CCNY: variants seen among roughly 807,000 people sequenced by gnomAD.
The protein encoded by CCNY is cyclin Y.
CCNY carries 19 observed loss-of-function variants against 42.8 expected under a neutral mutation model. That is an observed-to-expected ratio of 0.44 (90% CI 0.31 to 0.65). CCNY has a LOEUF of 0.65. Among genes scored for constraint, CCNY ranks in the 30% least tolerant of loss-of-function variants. The pLI, the probability that CCNY is intolerant of heterozygous loss-of-function variation, is 0.07. For synonymous variants in CCNY, 165 were observed against 162.7 expected (o/e 1.01, Z -0.11); for missense variants, 370 against 437.3 (o/e 0.85, Z 1.37).
intron 1 of CCNY, among the ~76,000 whole-genome samples, chr10:35,340,401 A>T (rs1171035582): frequency 6.6e-6 from 1 of 152,164 alleles, no homozygotes; most frequent in African/African-American, 2.4e-5. Context: ...GACTAAAGAG[A>T]ATTTAAAATG....
At chr10:35,482,993 G>A (rs1251787051) in intron 1 of CCNY, among the ~76,000 whole-genome samples, 1 of 152,118 alleles carries the variant, frequency 6.6e-6, no homozygotes, top group Non-Finnish European at 1.5e-5. Flanking sequence ...TCGCCCTAAC[G>A]AGTTGAGATA....
intron 7 of CCNY, among the ~76,000 whole-genome samples, chr10:35,552,064 G>C (rs1841269833): frequency 6.6e-6 from 1 of 152,212 alleles, no homozygotes; most frequent in Non-Finnish European, 1.5e-5. Context: ...ACAGATACTT[G>C]TACACCAGTG....
chr10:35,504,625 TTTGTTG>T (rs376566765), intron 3 of CCNY, among the ~76,000 whole-genome samples: 3,928 of 151,984 alleles, frequency 0.026, 60 homozygotes, highest in Non-Finnish European at 0.041. Context: ...TAGGAAGGTT[TTTGTTG>T]TTGTTGTTGT....
At chr10:35,514,286 TA>T (rs1396436514) in intron 3 of CCNY, among the ~76,000 whole-genome samples, 2 of 152,186 alleles carry the variant, frequency 1.3e-5, no homozygotes, top group African/African-American at 4.8e-5. Flanking sequence ...AAAATCTTTA[TA>T]ACTCAATACT....
upstream of CCNY, chr10:35,332,554 A>C (rs1835957826): frequency 6.6e-6 from 1 of 152,242 alleles, no homozygotes; most frequent in Non-Finnish European, 1.5e-5. Context: ...TTCTGTGAGA[A>C]ACAAAGCTAC....
chr10:35,415,105 A>C (rs1837997231), intron 1 of CCNY, among the ~76,000 whole-genome samples: 1 of 152,228 alleles, frequency 6.6e-6, no homozygotes, highest in African/African-American at 2.4e-5. Context: ...ATTTTAAGTC[A>C]TATAAAAGGA....
intron 1 of CCNY, among the ~76,000 whole-genome samples, chr10:35,375,872 G>T (rs1837041152): frequency 6.6e-6 from 1 of 152,184 alleles, no homozygotes; most frequent in Non-Finnish European, 1.5e-5. Context: ...AAGAGGGAGA[G>T]AAGACACACT....
chr10:35,506,515 T>A (rs1840217757), intron 3 of CCNY, among the ~76,000 whole-genome samples: 2 of 152,214 alleles, frequency 1.3e-5, no homozygotes, highest in Non-Finnish European at 2.9e-5. Flanking sequence ...TGGTTATGTC[T>A]GTGGAGGACT....
chr10:35,506,618 C>T (rs1840220104), intron 3 of CCNY, among the ~76,000 whole-genome samples: 1 of 152,154 alleles, frequency 6.6e-6, no homozygotes, highest in African/African-American at 2.4e-5. Flanking sequence ...GGAAGTGGCA[C>T]TTGTAAAGTG....
At chr10:35,518,273 C>A (rs1198377641) in intron 4 of CCNY, among the ~76,000 whole-genome samples, 4 of 152,108 alleles carry the variant, frequency 2.6e-5, no homozygotes, top group African/African-American at 9.7e-5. Flanking sequence ...CTGTGTAAAT[C>A]ACTGTTTCTG....
At chr10:35,443,241 C>T (rs1310517677) in intron 1 of CCNY, among the ~76,000 whole-genome samples, 1 of 152,160 alleles carries the variant, frequency 6.6e-6, no homozygotes, top group Admixed American at 6.5e-5. Flanking sequence ...TAAACTGATA[C>T]AAAATATTTT....
At chr10:35,333,039 AT>A (rs111976341), upstream of CCNY, among the ~76,000 whole-genome samples, 512 of 149,982 alleles carry the variant, frequency 3.4e-3, 4 homozygotes, top group African/African-American at 0.012. Context: ...ATCCAGGTCA[AT>A]TTTTTTTTTC....
chr10:35,474,276 G>C (rs1203982910), intron 1 of CCNY, among the ~76,000 whole-genome samples: 1 of 152,208 alleles, frequency 6.6e-6, no homozygotes, highest in Admixed American at 6.5e-5. Context: ...CTGGAAGCTC[G>C]AACTGGGTGG....
At chr10:35,262,551 G>A (rs2095720819) in intron 3 of CCNY, among the ~76,000 whole-genome samples, 1 of 151,746 alleles carries the variant, frequency 6.6e-6, no homozygotes, top group African/African-American at 2.4e-5. Context: ...TAATAGAGAT[G>A]GGGTTTCACC....
chr10:35,357,774 C>G (rs560714595), intron 1 of CCNY, among the ~76,000 whole-genome samples: 1 of 152,304 alleles, frequency 6.6e-6, no homozygotes, highest in Admixed American at 6.5e-5. Context: ...AACTTTCACT[C>G]ACAAGTTTTA....
At chr10:35,347,339 T>C (rs1836328504) in intron 1 of CCNY, 2 of 459,856 alleles carry the variant, frequency 4.3e-6, no homozygotes, top group Admixed American at 6.4e-5. Context: ...CGTGCCAGTT[T>C]GCTTTGTGAG....
intron 3 of CCNY, among the ~76,000 whole-genome samples, chr10:35,257,315 G>GTT (rs544963288): frequency 4.5e-5 from 4 of 88,796 alleles, no homozygotes; most frequent in Non-Finnish European, 6.9e-5. Context: ...CTTTCTTTCT[G>GTT]TTTTTTTTTT....
chr10:35,465,862 A>G (rs1839248228), intron 1 of CCNY, among the ~76,000 whole-genome samples: 1 of 149,432 alleles, frequency 6.7e-6, no homozygotes, highest in Non-Finnish European at 1.5e-5. Context: ...TGTGATCCTT[A>G]CTGCATTCTG....
At chr10:35,398,347 G>C (rs903340104) in intron 1 of CCNY, among the ~76,000 whole-genome samples, 2 of 152,242 alleles carry the variant, frequency 1.3e-5, no homozygotes, top group African/African-American at 4.8e-5. Flanking sequence ...ACATGATATA[G>C]ATACAGGTTG....
Sources: gnomAD v4.1 joint callset for allele counts (sites outside exome capture counted in the v4.1 genomes callset) on GRCh38, gnomAD v4.1.1 for gene constraint, MANE v1.5 for transcripts, NCBI Gene and HGNC (gene_info 2026-07-23, HGNC 2026-07-21) for gene names.